CA10: variants seen among roughly 807,000 people sequenced by gnomAD.
The protein encoded by CA10 is carbonic anhydrase-related protein 10.
In CA10, 14 loss-of-function variants were observed where a neutral mutation model predicts 44.2. The observed-to-expected ratio is 0.32, with a 90% CI of 0.21 to 0.50. The LOEUF (loss-of-function observed/expected upper bound fraction) is 0.50. Ranked by LOEUF, CA10 falls within the 20% of genes least tolerant of loss-of-function variation. The probability of loss-of-function intolerance (pLI) is 0.99; values close to 1 mark genes in which losing one functional copy is unlikely to be tolerated. For synonymous variants in CA10, 159 were observed against 141.6 expected (o/e 1.12, Z -0.87); for missense variants, 350 against 409.7 (o/e 0.85, Z 1.26).
chr17:51,638,411 C>T (rs562769671), intron 6 of CA10, among the ~76,000 whole-genome samples: 2 of 152,288 alleles, frequency 1.3e-5, no homozygotes, highest in African/African-American at 4.8e-5. Flanking sequence ...ACCTTTCCGT[C>T]AAAACACCAA....
chr17:51,753,984 C>T (rs760243624), intron 3 of CA10, among the ~76,000 whole-genome samples: 14 of 152,084 alleles, frequency 9.2e-5, no homozygotes, highest in Admixed American at 1.3e-4. Context: ...GCTGGGATTA[C>T]AGGTACCTGC....
chr17:51,646,557 G>A (rs1420667087), intron 6 of CA10, among the ~76,000 whole-genome samples: 1 of 152,052 alleles, frequency 6.6e-6, no homozygotes, highest in Non-Finnish European at 1.5e-5. Context: ...CCCTGATAGG[G>A]CCCCCTGAGT....
intron 3 of CA10, among the ~76,000 whole-genome samples, chr17:51,858,893 G>T (rs981661669): frequency 6.6e-6 from 1 of 151,986 alleles, no homozygotes; most frequent in African/African-American, 2.4e-5. Context: ...TCCTAGATCT[G>T]CCTATTAATC....
intron 2 of CA10, among the ~76,000 whole-genome samples, chr17:52,058,810 G>A (rs1181716834): frequency 6.6e-6 from 1 of 152,134 alleles, no homozygotes; most frequent in African/African-American, 2.4e-5. Flanking sequence ...CACATGTGTG[G>A]ATCCCACCAC....
At chr17:51,821,875 T>C (rs1907816073) in intron 3 of CA10, among the ~76,000 whole-genome samples, 1 of 152,192 alleles carries the variant, frequency 6.6e-6, no homozygotes, top group African/African-American at 2.4e-5. Flanking sequence ...CCTTTGGCAA[T>C]TGGCTCTAGA....
intron 1 of CA10, among the ~76,000 whole-genome samples, chr17:52,080,565 C>G (rs367573540): frequency 1.3e-5 from 2 of 151,882 alleles, no homozygotes; most frequent in African/African-American, 2.4e-5. Flanking sequence ...AGGAAAGTCC[C>G]TATTATGGCT....
intron 3 of CA10, among the ~76,000 whole-genome samples, chr17:51,867,485 TCA>T (rs1373198240): frequency 6.6e-6 from 1 of 152,192 alleles, no homozygotes; most frequent in African/African-American, 2.4e-5. Flanking sequence ...TCTTTAAGTC[TCA>T]GTCTCCTCTA....
At chr17:51,867,684 C>A (rs1979613510) in intron 3 of CA10, among the ~76,000 whole-genome samples, 1 of 152,176 alleles carries the variant, frequency 6.6e-6, no homozygotes, top group Admixed American at 6.5e-5. Context: ...TCCTGGAAGG[C>A]AACCAGTCAG....
intron 4 of CA10, among the ~76,000 whole-genome samples, chr17:51,663,245 TCG>T (rs769169458): frequency 1 from 150,667 of 150,670 alleles, 75,332 homozygotes; most frequent in Middle Eastern, 1. Context: ...CCACTTTTTC[TCG>T]ATTCCTTCCC....
At chr17:52,029,801 A>G (rs116957971) in intron 2 of CA10, among the ~76,000 whole-genome samples, 1 of 152,238 alleles carries the variant, frequency 6.6e-6, no homozygotes, top group Non-Finnish European at 1.5e-5. Context: ...TAAGAAACTT[A>G]TAACTCCTTA....
At chr17:51,697,138 A>G (rs986351497) in intron 4 of CA10, among the ~76,000 whole-genome samples, 6 of 151,828 alleles carry the variant, frequency 4.0e-5, no homozygotes, top group African/African-American at 1.4e-4. Context: ...ACCATCACCT[A>G]TGTACTATCT....
chr17:52,070,412 C>T (rs532317865), intron 2 of CA10: 42 of 152,304 alleles, frequency 2.8e-4, no homozygotes, highest in African/African-American at 9.9e-4. Flanking sequence ...ACATTACCTC[C>T]ATTATGCAAT....
At chr17:52,064,995 C>A (rs1030698513) in intron 2 of CA10, among the ~76,000 whole-genome samples, 1 of 152,222 alleles carries the variant, frequency 6.6e-6, no homozygotes, top group African/African-American at 2.4e-5. Context: ...CATCCAAATA[C>A]TTTATGTGGC....
chr17:51,753,883 G>A (rs925005923), intron 3 of CA10, among the ~76,000 whole-genome samples: 6 of 152,046 alleles, frequency 3.9e-5, no homozygotes, highest in African/African-American at 2.4e-5. Context: ...TCACTCTGTC[G>A]CCCAGGCTGG....
At chr17:51,868,622 C>G (rs1246090910) in intron 3 of CA10, among the ~76,000 whole-genome samples, 1 of 152,212 alleles carries the variant, frequency 6.6e-6, no homozygotes, top group Non-Finnish European at 1.5e-5. Context: ...AGCTACATCT[C>G]TAACTGAAAG....
chr17:51,878,249 G>A (rs1029759457), intron 3 of CA10, among the ~76,000 whole-genome samples: 1 of 151,712 alleles, frequency 6.6e-6, no homozygotes, highest in Non-Finnish European at 1.5e-5. Flanking sequence ...TGGGAATTCT[G>A]GTTCTAAGAT....
chr17:51,985,010 T>A (rs370505298), intron 2 of CA10, among the ~76,000 whole-genome samples: 1 of 152,114 alleles, frequency 6.6e-6, no homozygotes, highest in Non-Finnish European at 1.5e-5. Context: ...CCATAATTCA[T>A]TCTATGAAGC....
At chr17:51,930,647 G>A (rs1227756154) in intron 3 of CA10, among the ~76,000 whole-genome samples, 1 of 152,082 alleles carries the variant, frequency 6.6e-6, no homozygotes, top group East Asian at 1.9e-4. Context: ...GAGGTTAAAA[G>A]AAGGCCTAGT....
Position 51,786,816 on chromosome 17 carries a change from A to T in CA10, c.280-38998T>A, listed in dbSNP as rs553308637. ...GTATGATACTAGATGTGGGTCTGTC[A>T]TATATAGCTTTTATTATGGTGAGGT... On this transcript the variant is annotated intron_variant, in intron 3 of 8. Transcript: ENST00000451037. Among the ~76,000 whole-genome samples, 93 of 152,232 alleles carry T rather than the reference A, an allele frequency of 6.1e-4. 1 individual carries two copies. Among genetic ancestry groups the T allele is most frequent in the Non-Finnish European group, 8.7e-4 (59 of 68,018 alleles).
Sources: allele counts gnomAD v4.1 joint callset (sites outside exome capture counted in the v4.1 genomes callset), GRCh38; gene constraint gnomAD v4.1.1; transcripts MANE v1.5; gene names NCBI Gene and HGNC (gene_info 2026-07-23, HGNC 2026-07-21).